MATCAP2: variants seen among roughly 807,000 people sequenced by gnomAD.
MATCAP2 encodes putative tyrosine carboxypeptidase MATCAP2.
the MATCAP2 span, among the ~76,000 whole-genome samples, chr7:36,385,787 AAAAATAAAATAAAAT>A: frequency 0.012 from 1,450 of 119,376 alleles, 9 homozygotes; most frequent in East Asian, 0.056. Flanking sequence ...CCCTATTTCA[AAAAATAAAATAAAAT>A]AAAATAAAAT....
chr7:36,351,941 T>TA, the MATCAP2 span, among the ~76,000 whole-genome samples: 24,474 of 115,022 alleles, frequency 0.21, 2,677 homozygotes, highest in South Asian at 0.32. Flanking sequence ...GGGAGATTGT[T>TA]AAAAAAAAAA....
chr7:36,324,662 TA>T, the MATCAP2 span: 1 of 152,354 alleles, frequency 6.6e-6, no homozygotes, highest in South Asian at 2.1e-4. Context: ...TCTCAACTTT[TA>T]AAACTTAAAG....
chr7:36,329,051 T>A, the MATCAP2 span, among the ~76,000 whole-genome samples: 1 of 152,042 alleles, frequency 6.6e-6, no homozygotes, highest in Non-Finnish European at 1.5e-5. Flanking sequence ...ATCAAAAAAA[T>A]AAATAAATAA....
At chr7:36,368,686 C>T in the MATCAP2 span, among the ~76,000 whole-genome samples, 1 of 152,204 alleles carries the variant, frequency 6.6e-6, no homozygotes, top group Non-Finnish European at 1.5e-5. Flanking sequence ...TCAGTGGCTT[C>T]CTTTCCTGTG....
At chr7:36,366,680 C>G in the MATCAP2 span, 7 of 1,533,496 alleles carry the variant, frequency 4.6e-6, no homozygotes, top group South Asian at 8.3e-5. Flanking sequence ...ATCTTTTCCA[C>G]GAGATTCCAC....
chr7:36,344,201 A>G, the MATCAP2 span, among the ~76,000 whole-genome samples: 1 of 152,196 alleles, frequency 6.6e-6, no homozygotes, highest in Non-Finnish European at 1.5e-5. Context: ...GTAGGCAAAA[A>G]GCTCCCTAGA....
the MATCAP2 span, among the ~76,000 whole-genome samples, chr7:36,353,478 GCT>G: frequency 8.6e-5 from 10 of 116,310 alleles, no homozygotes; most frequent in East Asian, 2.5e-4. Context: ...CCCTGTTTAT[GCT>G]CTTTTTTTTT....
the MATCAP2 span, among the ~76,000 whole-genome samples, chr7:36,333,590 T>C: frequency 9.1e-3 from 1,392 of 152,246 alleles, 12 homozygotes; most frequent in Non-Finnish European, 0.014. Context: ...AAAGAAATGT[T>C]AACAATAAGT....
chr7:36,389,993 G>A, the MATCAP2 span: 2 of 1,613,982 alleles, frequency 1.2e-6, no homozygotes, highest in African/African-American at 2.7e-5. Context: ...TTGAACCACC[G>A]TTTCCATCGT....
At chr7:36,331,394 C>T in the MATCAP2 span, among the ~76,000 whole-genome samples, 1 of 152,046 alleles carries the variant, frequency 6.6e-6, no homozygotes, top group African/African-American at 2.4e-5. Context: ...ATGATTATCC[C>T]ACCTTCCCCT....
At chr7:36,330,472 G>A in the MATCAP2 span, among the ~76,000 whole-genome samples, 9 of 152,188 alleles carry the variant, frequency 5.9e-5, no homozygotes, top group East Asian at 1.9e-4. Flanking sequence ...TAAAAGAGAC[G>A]AAGGATTATA....
At chr7:36,360,089 A>G in the MATCAP2 span, among the ~76,000 whole-genome samples, 1 of 152,216 alleles carries the variant, frequency 6.6e-6, no homozygotes, top group East Asian at 1.9e-4. Context: ...AAATCAATAA[A>G]TAAGACTACT....
chr7:36,339,917 C>A, the MATCAP2 span, among the ~76,000 whole-genome samples: 1 of 152,224 alleles, frequency 6.6e-6, no homozygotes, highest in Non-Finnish European at 1.5e-5. Context: ...CGGCTCACTG[C>A]AGCCTCCACC....
the MATCAP2 span, among the ~76,000 whole-genome samples, chr7:36,386,791 T>G: frequency 2.0e-5 from 3 of 152,192 alleles, no homozygotes; most frequent in African/African-American, 7.2e-5. Flanking sequence ...ATCCACATAT[T>G]GGGGAGGAAC....
At chr7:36,349,234 C>T in the MATCAP2 span, among the ~76,000 whole-genome samples, 1 of 152,102 alleles carries the variant, frequency 6.6e-6, no homozygotes, top group African/African-American at 2.4e-5. Context: ...GTGTGGAGAG[C>T]AGGGGAGAGA....
At chr7:36,332,121 T>C in the MATCAP2 span, among the ~76,000 whole-genome samples, 2 of 151,458 alleles carry the variant, frequency 1.3e-5, no homozygotes, top group African/African-American at 2.4e-5. Context: ...TAATAAAACA[T>C]GAAAAACACA....
the MATCAP2 span, among the ~76,000 whole-genome samples, chr7:36,337,989 G>A: frequency 1.3e-5 from 2 of 151,888 alleles, no homozygotes; most frequent in South Asian, 2.1e-4. Context: ...CTATCTAAAG[G>A]GCCAGCAGGC....
chr7:36,371,275 C>A, the MATCAP2 span, among the ~76,000 whole-genome samples: 134 of 151,982 alleles, frequency 8.8e-4, no homozygotes, highest in African/African-American at 3.1e-3. Flanking sequence ...CCAGGCCAGG[C>A]GAATTTTTTG....
chr7:36,386,992 T>C, the MATCAP2 span, among the ~76,000 whole-genome samples: 1 of 152,200 alleles, frequency 6.6e-6, no homozygotes, highest in African/African-American at 2.4e-5. Flanking sequence ...GGAAATAAGC[T>C]AAATGTCCAT....
Sources: allele counts gnomAD v4.1 joint callset (sites outside exome capture counted in the v4.1 genomes callset), GRCh38; gene constraint gnomAD v4.1.1; transcripts MANE v1.5; gene names NCBI Gene and HGNC (gene_info 2026-07-23, HGNC 2026-07-21).